Variants in NNMT observed in about 807,000 individuals in gnomAD.
NNMT encodes nicotinamide N-methyltransferase.
NNMT carries 10 observed loss-of-function variants against 11.7 expected under a neutral mutation model. The ratio of observed to expected loss-of-function variants is 0.85; its 90% CI spans 0.53 to 1.45. NNMT has a LOEUF of 1.45. Ranked by LOEUF, NNMT falls within the 40% of genes most tolerant of loss-of-function variation. The pLI, the probability that NNMT is intolerant of heterozygous loss-of-function variation, is 0.00. For synonymous variants in NNMT, 143 were observed against 133.8 expected, an observed-to-expected ratio of 1.07 and a Z score of -0.48; for missense variants, 381 against 319.4, an observed-to-expected ratio of 1.19 and a Z score of -1.47.
At chr11:114,282,778 G>A (rs1179814654) in intron 2 of NNMT, among the ~76,000 whole-genome samples, 1 of 152,152 alleles carries the variant, frequency 6.6e-6, no homozygotes, top group Non-Finnish European at 1.5e-5. Context: ...AGAAGTCTGA[G>A]TGCCGAAAGG....
In NNMT at chr11:114,275,213, T is replaced by A. The variant is rs536635765; in HGVS notation, c.-130+12279T>A. The stretch of plus-strand genomic sequence containing the variant: ...GTCCTTATTCATACCTCAGTATGAA[T>A]GAGCCTCATAGCCTATACTAGGTAT... On this transcript the variant is annotated intron_variant, in intron 2 of 4. Coordinates refer to the NNMT transcript ENST00000535401. Among the ~76,000 whole-genome samples the A allele has an allele frequency of 9.8e-4, 150 of 152,318 alleles. 1 individual carries two copies. The Middle Eastern group carries it at 0.014, about 14-fold the overall frequency.
At chr11:114,268,558 CA>C (rs1945141627) in intron 2 of NNMT, among the ~76,000 whole-genome samples, 1 of 152,124 alleles carries the variant, frequency 6.6e-6, no homozygotes, top group Non-Finnish European at 1.5e-5. Context: ...ATCACGAGGT[CA>C]GGAGATCAAG....
chr11:114,302,813 T>C (rs1565727675), intron 2 of NNMT, among the ~76,000 whole-genome samples: 1 of 152,106 alleles, frequency 6.6e-6, no homozygotes. Context: ...GAAAGGTCAT[T>C]AGGTCATGGA....
rs77686142 is a variant in NNMT, at chr11:114,266,628, A to G, written c.-130+3694A>G. 5.5e-3 allele frequency among the ~76,000 whole-genome samples: 781 copies of G among 142,596 alleles called. 9 individuals are homozygous for G. Among genetic ancestry groups the G allele is most frequent in the African/African-American group, 0.02 (760 of 38,262 alleles). The allele number at this position is 142,596 out of a possible 152,430, so 93.5% of individuals were successfully genotyped here. A position where few individuals can be genotyped will look rare whatever the true frequency, so the allele number is the denominator to read the frequency against. On this transcript the variant is annotated intron_variant, in intron 2 of 4. Transcript: ENST00000535401. ...AAATATTGCCTCTCAGTGGGGTCTT[A>G]CCTGACCATCTGCTATGGTTTGAAT...
chr11:114,278,711 G>T lies in NNMT; in HGVS notation c.-130+15777G>T, dbSNP rs374041208. 3.5e-3 allele frequency among the ~76,000 whole-genome samples: 527 copies of T among 152,234 alleles called. 2 individuals carry two copies. The highest frequency in any genetic ancestry group is 0.012 in the African/African-American group (500 of 41,538). ...CAGGTAGTGGAGAGTGGCTAGATCT[G>T]TCAGTGGTGTCACCACATGGGTGAT... On this transcript the variant is annotated intron_variant, in intron 2 of 4. Transcript: ENST00000535401.
chr11:114,284,527 T>G (rs1945282685), intron 2 of NNMT, among the ~76,000 whole-genome samples: 1 of 151,880 alleles, frequency 6.6e-6, no homozygotes, highest in Admixed American at 6.6e-5. Context: ...GCAGTGGTGC[T>G]ATCTTGGCTC....
At chr11:114,302,578 T>G (rs1945448735) in intron 2 of NNMT, among the ~76,000 whole-genome samples, 1 of 152,218 alleles carries the variant, frequency 6.6e-6, no homozygotes, top group Non-Finnish European at 1.5e-5. Context: ...ATTGTCTTAT[T>G]TTTAATTTTG....
At chr11:114,279,177 A>C (rs1185195688) in intron 2 of NNMT, among the ~76,000 whole-genome samples, 2 of 152,112 alleles carry the variant, frequency 1.3e-5, no homozygotes, top group African/African-American at 4.8e-5. Flanking sequence ...GCCTCACGGG[A>C]GAGAGGGTGA....
chr11:114,289,009 C>A (rs1191683403), intron 2 of NNMT, among the ~76,000 whole-genome samples: 1 of 152,056 alleles, frequency 6.6e-6, no homozygotes, highest in Non-Finnish European at 1.5e-5. Context: ...TTATTGATTA[C>A]TTGAATATGT....
intron 2 of NNMT, among the ~76,000 whole-genome samples, chr11:114,271,807 G>T (rs557763764): frequency 1.3e-5 from 2 of 152,232 alleles, no homozygotes; most frequent in African/African-American, 4.8e-5. Flanking sequence ...AGCTCCTGGG[G>T]GTTCACAGGA....
rs149267601 is a variant in NNMT, at chr11:114,280,952, G to A, written c.-129-15476G>A. On this transcript the variant is annotated intron_variant, in intron 2 of 4. Transcript: ENST00000535401. ...CAGGAAGAGGAAGGCCGCAGCCAGC[G>A]CAGAGTGCCCTGACCTCCACCCGGC... is the stretch of plus-strand genomic sequence containing the variant. Among the ~76,000 whole-genome samples, 361 of 152,226 alleles carry A rather than the reference G, an allele frequency of 2.4e-3. 1 individual carries two copies. The highest frequency in any genetic ancestry group is 7.7e-3 in the African/African-American group (320 of 41,518).
intron 2 of NNMT, among the ~76,000 whole-genome samples, chr11:114,291,353 A>G (rs1591833653): frequency 6.6e-6 from 1 of 152,048 alleles, no homozygotes; most frequent in South Asian, 2.1e-4. Context: ...CTATCCTCCA[A>G]TTGCAAATTG....
intron 1 of NNMT, among the ~76,000 whole-genome samples, chr11:114,296,914 G>A (rs1172322241): frequency 6.6e-6 from 1 of 152,206 alleles, no homozygotes; most frequent in African/African-American, 2.4e-5. Context: ...ACTTGATCAA[G>A]CAAAAGGAAA....
chr11:114,291,662 G>C (rs1945336275), upstream of NNMT, among the ~76,000 whole-genome samples: 1 of 152,024 alleles, frequency 6.6e-6, no homozygotes, highest in South Asian at 2.1e-4. Context: ...CAGCATTCCC[G>C]CAGCAGCTGT....
Position 114,312,144 on chromosome 11 carries a change from A to AC in NNMT, c.467dup (p.Ala157GlyfsTer2), listed in dbSNP as rs746472955. The AC allele has an allele frequency of 7.4e-6, 12 of 1,613,764 alleles. No homozygotes were observed. Among genetic ancestry groups the AC allele is most frequent in the African/African-American group, 1.3e-5 (1 of 74,854 alleles). ...GCCAGCCACTGGGGGCCGTCCCCTTACCCCCGGCTGACTGCGTGCTCAGCA... is the reference window on the plus strand; with the variant it reads ...GCCAGCCACTGGGGGCCGTCCCCTTACCCCCCGGCTGACTGCGTGCTCAGCA... On this transcript the variant is annotated frameshift_variant, in exon 3 of 3. Transcript: ENST00000299964. LOFTEE classifies it low-confidence loss of function (END_TRUNC).
chr11:114,312,057 A>G lies in NNMT; in HGVS notation c.375A>G (p.Pro125=), dbSNP rs748285124. 1 of 1,575,782 alleles carries G rather than the reference A, an allele frequency of 6.3e-7. No homozygotes were observed. The highest frequency in any genetic ancestry group is 8.6e-7 in the Non-Finnish European group (1 of 1,156,614). The change falls in exon 3 of 3, where the codon CCA becomes CCG. Residue 125 remains proline, a synonymous_variant. Transcript: ENST00000299964. ...CDLEGNRVKG[P]EKEEKLRQAV... is the part of the protein sequence containing the mutation. ...TTGTGTTTTTCAGAGTCAAGGGTCC[A>G]GAGAAGGAGGAGAAGTTGAGACAGG...
At chr11:114,286,659 A>G (rs1476594828) in intron 2 of NNMT, among the ~76,000 whole-genome samples, 1 of 152,170 alleles carries the variant, frequency 6.6e-6, no homozygotes, top group Non-Finnish European at 1.5e-5. Context: ...GTTCATTTTC[A>G]TTGCTGTACA....
intron 2 of NNMT, among the ~76,000 whole-genome samples, chr11:114,298,718 G>T (rs1430324373): frequency 6.6e-6 from 1 of 152,204 alleles, no homozygotes; most frequent in African/African-American, 2.4e-5. Context: ...CACCATCCAT[G>T]AAAGTAGACT....
chr11:114,283,412 T>C (rs1456759929), intron 2 of NNMT, among the ~76,000 whole-genome samples: 1 of 152,262 alleles, frequency 6.6e-6, no homozygotes, highest in East Asian at 1.9e-4. Context: ...AATATATGCA[T>C]ACACAGCAGC....
Sources: gnomAD v4.1 joint callset for allele counts (sites outside exome capture counted in the v4.1 genomes callset) on GRCh38, gnomAD v4.1.1 for gene constraint, MANE v1.5 for transcripts, NCBI Gene and HGNC (gene_info 2026-07-23, HGNC 2026-07-21) for gene names.